Variants in FAM177B observed in about 807,000 individuals in gnomAD.
FAM177B encodes family with sequence similarity 177 member B, also known as protein FAM177B.
Under a neutral mutation model 16.1 loss-of-function variants are expected in FAM177B, and 16 were observed. The observed-to-expected ratio is 0.99, with a 90% CI of 0.67 to 1.51. The LOEUF is 1.51. Ranked by LOEUF, FAM177B falls within the 40% of genes most tolerant of loss-of-function variation. FAM177B has a pLI of 0.00. For synonymous variants in FAM177B, 56 were observed against 59.9 expected, an observed-to-expected ratio of 0.93 and a Z score of 0.30; for missense variants, 178 against 183.7, an observed-to-expected ratio of 0.97 and a Z score of 0.18.
At chr1:222,745,151 C>T (rs1411898439) in intron 2 of FAM177B, among the ~76,000 whole-genome samples, 1 of 152,148 alleles carries the variant, frequency 6.6e-6, no homozygotes, top group African/African-American at 2.4e-5. Context: ...AATATATGGA[C>T]CACATTTTGT....
At chr1:222,743,000 G>T (rs1219711651) in intron 2 of FAM177B, among the ~76,000 whole-genome samples, 1 of 152,034 alleles carries the variant, frequency 6.6e-6, no homozygotes, top group Non-Finnish European at 1.5e-5. Flanking sequence ...AATGTTTCCT[G>T]TTGTCCTATC....
At chr1:222,748,737 G>T (rs1005988532) in intron 4 of FAM177B, among the ~76,000 whole-genome samples, 1 of 152,140 alleles carries the variant, frequency 6.6e-6, no homozygotes. Flanking sequence ...GCATATTAAT[G>T]AAAAGATAAG....
chr1:222,740,722 CAG>C (rs1309125172), intron 2 of FAM177B, among the ~76,000 whole-genome samples: 1 of 152,260 alleles, frequency 6.6e-6, no homozygotes, highest in Non-Finnish European at 1.5e-5. Context: ...TTTCTTGAGA[CAG>C]AGTCTCGCTC....
chr1:222,746,994 C>A (rs749178825), intron 3 of FAM177B, 21 bp from the exon 4 acceptor site: 50 of 1,551,038 alleles, frequency 3.2e-5, no homozygotes, highest in Non-Finnish European at 4.4e-5. Flanking sequence ...ACTACTCTAT[C>A]TCAATTTCTC....
chr1:222,748,589 G>T (rs545133319), intron 4 of FAM177B, among the ~76,000 whole-genome samples: 3 of 152,098 alleles, frequency 2.0e-5, no homozygotes, highest in Non-Finnish European at 4.4e-5. Context: ...GACGACACAG[G>T]TAATTAATTT....
chr1:222,747,981 T>C (rs1427817587), intron 4 of FAM177B, among the ~76,000 whole-genome samples: 6 of 152,182 alleles, frequency 3.9e-5, no homozygotes, highest in African/African-American at 1.4e-4. Flanking sequence ...CATGCTGACA[T>C]GTGGGGGAGA....
At chr1:222,738,632 C>CCACTCCAG (rs1485320010) in intron 2 of FAM177B, among the ~76,000 whole-genome samples, 1 of 149,570 alleles carries the variant, frequency 6.7e-6, no homozygotes, top group Non-Finnish European at 1.5e-5. Flanking sequence ...CACCACTGCA[C>CCACTCCAG]CACTCCAGCC....
intron 2 of FAM177B, among the ~76,000 whole-genome samples, chr1:222,742,928 AC>A (rs1239892052): frequency 6.6e-6 from 1 of 152,080 alleles, no homozygotes; most frequent in African/African-American, 2.4e-5. Flanking sequence ...TTTTTCCATG[AC>A]TTTTAATGGC....
intron 1 of FAM177B, 69 bp from the exon 2 acceptor site, chr1:222,737,835 G>C (rs1452902369): frequency 2.6e-5 from 4 of 152,200 alleles, no homozygotes; most frequent in African/African-American, 9.7e-5. Context: ...AGAGATGATA[G>C]ACCAGGGTGG....
At chr1:222,748,221 A>AG (rs1658887803) in intron 4 of FAM177B, among the ~76,000 whole-genome samples, 1 of 152,214 alleles carries the variant, frequency 6.6e-6, no homozygotes, top group African/African-American at 2.4e-5. Flanking sequence ...ATAAGTTAAC[A>AG]GAAAAAAAAA....
chr1:222,737,584 G>A (rs149352864), intron 1 of FAM177B, among the ~76,000 whole-genome samples: 24 of 152,290 alleles, frequency 1.6e-4, no homozygotes, highest in African/African-American at 5.8e-4. Context: ...TCAGTGGTGG[G>A]AGAGTAGTAC....
At chr1:222,745,339 T>C (rs1658742339) in intron 2 of FAM177B, among the ~76,000 whole-genome samples, 1 of 152,200 alleles carries the variant, frequency 6.6e-6, no homozygotes, top group South Asian at 2.1e-4. Flanking sequence ...AGACCAGGCA[T>C]AGTGGCTCAC....
intron 2 of FAM177B, among the ~76,000 whole-genome samples, 185 bp from the exon 3 acceptor site, chr1:222,746,346 G>T (rs887279861): frequency 6.6e-6 from 1 of 152,116 alleles, no homozygotes; most frequent in East Asian, 1.9e-4. Context: ...TCACGTTTTC[G>T]CTATTTATCA....
intron 4 of FAM177B, among the ~76,000 whole-genome samples, chr1:222,747,823 G>A (rs988420765): frequency 6.6e-6 from 1 of 152,190 alleles, no homozygotes; most frequent in Non-Finnish European, 1.5e-5. Flanking sequence ...TGGACCCTGG[G>A]ACACAAAGAT....
At chr1:222,740,966 A>T (rs1269187297) in intron 2 of FAM177B, among the ~76,000 whole-genome samples, 1 of 151,532 alleles carries the variant, frequency 6.6e-6, no homozygotes, top group Admixed American at 6.6e-5. Context: ...CCCAAAGTGC[A>T]GGGATTACAG....
intron 4 of FAM177B, chr1:222,748,952 C>T: frequency 2.2e-6 from 1 of 463,368 alleles, no homozygotes; most frequent in Non-Finnish European, 4.5e-6. Context: ...CTGACTCTAA[C>T]AATCCCAGTG....
intron 2 of FAM177B, among the ~76,000 whole-genome samples, chr1:222,744,488 A>C (rs1488155945): frequency 1.3e-5 from 2 of 151,932 alleles, no homozygotes; most frequent in Non-Finnish European, 2.9e-5. Flanking sequence ...AAAAAAAAAA[A>C]AGGCAAAAAT....
At position 222,743,854 on chromosome 1, in the gene FAM177B, T is replaced by C. The variant is rs558224813; in HGVS notation, c.-15-2677T>C. 2.6e-5 allele frequency among the ~76,000 whole-genome samples: 4 copies of C among 152,262 alleles called. No homozygotes were observed. In the South Asian group the frequency reaches 8.3e-4, roughly 32 times the overall value. ...TGAGATTTGGACTCTCTTCTCTCTA[T>C]TGGTAATAAAACTCCAGCTCCAAGG... On this transcript the variant is annotated intron_variant, in intron 2 of 5. Coordinates refer to ENST00000445590, the MANE Select transcript of FAM177B (RefSeq NM_001394345.1).
rs1485431071 is a variant in FAM177B, at chr1:222,741,098, A to G, written c.-16+3077A>G. Among the ~76,000 whole-genome samples, 5 of 107,084 alleles carry G rather than the reference A, an allele frequency of 4.7e-5. No individual in the cohort carries two copies. In the East Asian group the frequency reaches 1.4e-3, roughly 29 times the overall value. 70.3% of individuals were successfully genotyped at this position (107,084 alleles called of 152,430 possible). On this transcript the variant is annotated intron_variant, in intron 2 of 5. Coordinates refer to ENST00000445590, the MANE Select transcript of FAM177B (RefSeq NM_001394345.1). ...TTTTTTGAGACAGTCTTAATCTGTC[A>G]CCCAGGCTGGAGGGCAGTGGTGCAA...
Sources: gnomAD v4.1 joint callset for allele counts (sites outside exome capture counted in the v4.1 genomes callset) on GRCh38, gnomAD v4.1.1 for gene constraint, MANE v1.5 for transcripts, NCBI Gene and HGNC (gene_info 2026-07-23, HGNC 2026-07-21) for gene names.